The following STAB2 variants were observed in gnomAD, a reference collection of about 807,000 sequenced individuals.
STAB2 encodes stabilin-2.
A neutral mutation model predicts 338.1 loss-of-function variants in STAB2; 288 were observed. That is an observed-to-expected ratio of 0.85 (90% CI 0.77 to 0.94). STAB2 has a LOEUF of 0.94. STAB2 is among the 40% of genes least tolerant of loss of function. STAB2 has a pLI of 0.00. For synonymous variants in STAB2, 1,202 were observed against 1,193.3 expected (o/e 1.01, Z -0.15); for missense variants, 3,141 against 3,210.1 (o/e 0.98, Z 0.52).
intron 24 of STAB2, among the ~76,000 whole-genome samples, chr12:103,676,507 G>T (rs1194125344): frequency 6.6e-6 from 1 of 152,110 alleles, no homozygotes; most frequent in African/African-American, 2.4e-5. Context: ...TTAACACAGG[G>T]TCTCACTCTG....
chr12:103,750,819 G>A, intron 60 of STAB2, 99 bp downstream of exon 60: 1 of 1,433,760 alleles, frequency 7.0e-7, no homozygotes, highest in Non-Finnish European at 9.2e-7. Context: ...GGCCAAGCCT[G>A]GTGGCTCAAG....
chr12:103,699,230 A>G lies in STAB2; in HGVS notation c.3714+3A>G, dbSNP rs1878655257. Reference sequence around the variant, plus strand: ...GCTTCTTTCTCCATAATGACCAGGTACGATCCTTTTATGTAAAACCCCAGC... The same window carrying G: ...GCTTCTTTCTCCATAATGACCAGGTGCGATCCTTTTATGTAAAACCCCAGC... On this transcript the variant is annotated splice_donor_region_variant and intron_variant, in intron 34 of 68. Transcript: ENST00000388887. 1 of 1,608,180 alleles carries G rather than the reference A, an allele frequency of 6.2e-7. No individual in the cohort carries two copies. The highest frequency in any genetic ancestry group is 2.2e-5 in the East Asian group (1 of 44,658).
intron 5 of STAB2, among the ~76,000 whole-genome samples, chr12:103,623,616 C>T (rs545098575): frequency 1.1e-4 from 16 of 152,144 alleles, no homozygotes; most frequent in Non-Finnish European, 1.9e-4. Flanking sequence ...ACATGTTCTC[C>T]CCAGAGTCTC....
At chr12:103,600,004 A>T (rs1956931233) in intron 3 of STAB2, among the ~76,000 whole-genome samples, 16 of 152,228 alleles carry the variant, frequency 1.1e-4, no homozygotes, top group Admixed American at 1.0e-3. Flanking sequence ...ACTCTTAACG[A>T]CCATGTAATC....
chr12:103,707,847 A>AT (rs1466191262), intron 38 of STAB2, among the ~76,000 whole-genome samples: 1 of 152,128 alleles, frequency 6.6e-6, no homozygotes, highest in Non-Finnish European at 1.5e-5. Context: ...TACAGTGTTG[A>AT]TTTTTTCCCA....
Position 103,743,108 on chromosome 12 carries a change from T to C in STAB2, c.6031+554T>C, listed in dbSNP as rs1882724182. ...CGCAATCTCAGCTCACTGCAACCTC[T>C]GCCTCCCAGGTTCAAGTGATTCTCC... On this transcript the variant is annotated intron_variant, in intron 56 of 68. Transcript: ENST00000388887. 3.3e-5 allele frequency among the ~76,000 whole-genome samples: 5 copies of C among 150,960 alleles called. No homozygotes were observed. In the South Asian group the frequency reaches 8.4e-4, roughly 25 times the overall value.
intron 9 of STAB2, among the ~76,000 whole-genome samples, chr12:103,642,384 A>G (rs1201588755): frequency 2.0e-5 from 3 of 152,220 alleles, no homozygotes; most frequent in Non-Finnish European, 2.9e-5. Context: ...CACAGTTTAC[A>G]TTCCAGTTGT....
At chr12:103,655,124 C>T (rs1317005863) in intron 13 of STAB2, 127 bp from the exon 14 acceptor site, 4 of 893,226 alleles carry the variant, frequency 4.5e-6, no homozygotes, top group African/African-American at 1.7e-5. Context: ...TTGCAGTTGA[C>T]CAGGTTCATT....
chr12:103,756,768 C>T (rs1251694094), intron 63 of STAB2, among the ~76,000 whole-genome samples: 1 of 151,930 alleles, frequency 6.6e-6, no homozygotes, highest in Non-Finnish European at 1.5e-5. Flanking sequence ...GAAGTTAGAC[C>T]AAGGACCCCA....
chr12:103,605,137 G>C (rs1176049236), intron 3 of STAB2, among the ~76,000 whole-genome samples: 3 of 151,638 alleles, frequency 2.0e-5, no homozygotes, highest in African/African-American at 7.3e-5. Context: ...CTTCCAAATA[G>C]AATAATTTTT....
intron 44 of STAB2, among the ~76,000 whole-genome samples, chr12:103,724,370 A>T (rs1279199480): frequency 1.3e-5 from 2 of 152,176 alleles, no homozygotes; most frequent in Non-Finnish European, 2.9e-5. Context: ...GCTAATGGCA[A>T]TGACTTTGAG....
chr12:103,699,075 C>G (rs761377000), intron 33 of STAB2, 21 bp from the exon 34 acceptor site: 6 of 1,597,152 alleles, frequency 3.8e-6, no homozygotes, highest in Middle Eastern at 2.0e-4. Context: ...TGACTGACTT[C>G]CAATTCTGTG....
intron 27 of STAB2, among the ~76,000 whole-genome samples, chr12:103,687,333 T>TA (rs879795588): frequency 0.019 from 2,745 of 144,512 alleles, 28 homozygotes; most frequent in East Asian, 0.039. Context: ...TTAGAGACAT[T>TA]AAAAAAAAAA....
rs199958236 is a variant in STAB2 at position 103,727,381 on chromosome 12, G to A, written c.4935+31G>A. On this transcript the variant is annotated intron_variant, in intron 47 of 68. Transcript: ENST00000388887. The stretch of plus-strand genomic sequence containing the variant: ...CATGAGACTGTGGGCAGAAGGGGGA[G>A]GTCTGCGGCTGGAACATAGTCCTTG... 1.2e-4 allele frequency: 187 copies of A among 1,610,370 alleles called. No homozygotes were observed. The African/African-American group carries it at 2.3e-3, about 19-fold the overall frequency.
At chr12:103,746,941 TTTTC>T (rs1023936888) in intron 58 of STAB2, among the ~76,000 whole-genome samples, 3 of 141,864 alleles carry the variant, frequency 2.1e-5, no homozygotes, top group South Asian at 2.3e-4. Flanking sequence ...TTTAGAATGT[TTTTC>T]TTTCTTTTTT....
chr12:103,607,429 C>T (rs1026092325), intron 3 of STAB2, among the ~76,000 whole-genome samples: 8 of 150,686 alleles, frequency 5.3e-5, no homozygotes, highest in Non-Finnish European at 8.9e-5. Flanking sequence ...GGTACATGTG[C>T]GCAACGTGCA....
chr12:103,742,294 C>A (rs1446352212), intron 55 of STAB2, 111 bp from the exon 56 acceptor site: 2 of 1,418,590 alleles, frequency 1.4e-6, no homozygotes, highest in African/African-American at 1.4e-5. Context: ...ACACTGAAGG[C>A]GATGGTCCCT....
At chr12:103,762,560 C>T (rs944783184) in intron 67 of STAB2, among the ~76,000 whole-genome samples, 158 bp downstream of exon 67, 12 of 152,232 alleles carry the variant, frequency 7.9e-5, no homozygotes, top group African/African-American at 2.9e-4. Context: ...CTTACTGCTG[C>T]TTGGATGGGG....
rs2271637 is a variant in STAB2 at position 103,759,226 on chromosome 12, C to G, written c.7201C>G (p.Leu2401Val). 0.27 allele frequency: 436,136 copies of G among 1,613,850 alleles called. 62,126 individuals carry two copies. The highest frequency in any genetic ancestry group is 0.45 in the East Asian group (19,970 of 44,852). Residue 2401 changes from leucine to valine, a missense_variant, in exon 65 of 69, where the codon CTG becomes GTG. Leu to Val is a conservative substitution (Grantham distance 32). Transcript: ENST00000388887. The stretch of plus-strand genomic sequence containing the variant: ...CAATGGCACCACCCTGCAAACGAGG[C>G]TGGGAAGCAAGCTGCTCATCACTGC... The part of the protein sequence containing the change: ...LVNGTTLQTR[L>V]GSKLLITASQ...
Sources: allele counts gnomAD v4.1 joint callset (sites outside exome capture counted in the v4.1 genomes callset), GRCh38; gene constraint gnomAD v4.1.1; transcripts MANE v1.5; gene names NCBI Gene and HGNC (gene_info 2026-07-23, HGNC 2026-07-21).